ZNF423: variants seen among roughly 807,000 people sequenced by gnomAD.
ZNF423 encodes Ebf-associated zinc finger protein.
A neutral mutation model predicts 95.8 loss-of-function variants in ZNF423; 12 were observed. The ratio of observed to expected loss-of-function variants is 0.13; its 90% CI spans 0.08 to 0.20. The LOEUF (loss-of-function observed/expected upper bound fraction) is 0.20. ZNF423 is among the 10% of genes least tolerant of loss of function. The probability of loss-of-function intolerance (pLI) is 1.00; values close to 1 mark genes in which losing one functional copy is unlikely to be tolerated. For synonymous variants in ZNF423, 749 were observed against 711.9 expected, an observed-to-expected ratio of 1.05 and a Z score of -0.83; for missense variants, 1,316 against 1,737.1, an observed-to-expected ratio of 0.76 and a Z score of 4.31.
intron 3 of ZNF423, among the ~76,000 whole-genome samples, chr16:49,663,504 G>T (rs2030360162): frequency 6.6e-6 from 1 of 151,806 alleles, no homozygotes; most frequent in African/African-American, 2.4e-5. Flanking sequence ...TGACTGGAGA[G>T]GGGACCAGTG....
chr16:49,793,658 G>A (rs1265492680), intron 1 of ZNF423, among the ~76,000 whole-genome samples: 2 of 152,328 alleles, frequency 1.3e-5, no homozygotes, highest in East Asian at 3.9e-4. Context: ...GGGTATACCG[G>A]CATAGGGACA....
chr16:49,749,130 GT>G (rs2033584307), intron 2 of ZNF423, among the ~76,000 whole-genome samples: 1 of 152,182 alleles, frequency 6.6e-6, no homozygotes, highest in African/African-American at 2.4e-5. Context: ...CTCCACAGGG[GT>G]ATCTAGCAGC....
chr16:49,731,561 C>T lies in ZNF423; in HGVS notation c.101-590G>A, dbSNP rs548372799. On this transcript the variant is annotated intron_variant, in intron 2 of 7. Transcript: ENST00000563137. ...GGCATGGAATCTCACACCTATAATC[C>T]TAGCACTCTGAGAGACCAAGGTGGG... is the stretch of plus-strand genomic sequence containing the variant. Among the ~76,000 whole-genome samples the T allele has an allele frequency of 2.0e-4, 30 of 152,182 alleles. 1 individual carries two copies. In the East Asian group the frequency reaches 3.9e-3, roughly 20 times the overall value.
chr16:49,644,665 A>G (rs1180127621), intron 3 of ZNF423, among the ~76,000 whole-genome samples: 6 of 81,214 alleles, frequency 7.4e-5, no homozygotes, highest in Admixed American at 5.7e-4. Flanking sequence ...ACTCAAAAAA[A>G]AAAAAAAAAA....
chr16:49,784,840 C>T (rs2034283489), intron 2 of ZNF423, among the ~76,000 whole-genome samples: 1 of 151,514 alleles, frequency 6.6e-6, no homozygotes, highest in Non-Finnish European at 1.5e-5. Context: ...ATCCCAGCTA[C>T]TCGGAAGGCT....
At chr16:49,514,927 C>T (rs1465370510) in intron 7 of ZNF423, among the ~76,000 whole-genome samples, 1 of 152,222 alleles carries the variant, frequency 6.6e-6, no homozygotes, top group Non-Finnish European at 1.5e-5. Flanking sequence ...CATGCCCTGG[C>T]AGGCAGTGCC....
chr16:49,743,409 G>A (rs2033455921), intron 2 of ZNF423, among the ~76,000 whole-genome samples: 1 of 152,150 alleles, frequency 6.6e-6, no homozygotes, highest in Non-Finnish European at 1.5e-5. Flanking sequence ...GCTCCAGGCA[G>A]GCAAGTCCGC....
chr16:49,835,744 G>A lies in ZNF423; in HGVS notation c.40+19991C>T, dbSNP rs1056151623. On this transcript the variant is annotated intron_variant, in intron 1 of 7. Transcript: ENST00000563137. ...AAGCCTGCATAGGAGGTGGTGGGGG[G>A]GCAGAGGATGCAGAGGGTCCGGTGC... 2.6e-5 allele frequency among the ~76,000 whole-genome samples: 4 copies of A among 152,324 alleles called. No homozygotes were observed. The East Asian group carries it at 7.7e-4, about 29-fold the overall frequency.
intron 2 of ZNF423, among the ~76,000 whole-genome samples, chr16:49,752,349 G>C (rs1336874241): frequency 6.6e-6 from 1 of 152,204 alleles, no homozygotes; most frequent in Non-Finnish European, 1.5e-5. Context: ...CTTCCTGACG[G>C]TGTCCCAGCC....
At chr16:49,692,135 C>T (rs1008069233) in intron 3 of ZNF423, among the ~76,000 whole-genome samples, 19 of 151,860 alleles carry the variant, frequency 1.3e-4, no homozygotes, top group African/African-American at 3.9e-4. Context: ...TTTTTTTTGT[C>T]GAGACAGGCA....
At position 49,491,026 on chromosome 16, in the gene ZNF423, T is replaced by C. The variant is rs906836741; in HGVS notation, c.*249A>G. On this transcript the variant is annotated 3_prime_UTR_variant, in exon 8 of 8. Coordinates refer to ENST00000563137, the MANE Select transcript of ZNF423 (RefSeq NM_001379286.1). ...TTTCTCTAACTCTAGAAATGTAGTC[T>C]GCGGCGGAAAGTCTAAAAGCACACT... is the stretch of plus-strand genomic sequence containing the variant. 9 of 517,398 alleles carry C rather than the reference T, an allele frequency of 1.7e-5. No homozygotes were observed. The highest frequency in any genetic ancestry group is 3.2e-5 in the South Asian group (1 of 31,384). The allele number at this position is 517,398 out of a possible 1,614,324, so 32.1% of individuals were successfully genotyped here.
rs954747071 is a variant in ZNF423, at chr16:49,855,566, C to T, written c.40+169G>A. On this transcript the variant is annotated intron_variant, in intron 1 of 7. Coordinates refer to ENST00000563137, the MANE Select transcript of ZNF423 (RefSeq NM_001379286.1). The surrounding 1 kb of genome is among the most constrained non-coding windows in gnomAD (Gnocchi z 4.7). ...GCCTCCTGCTCCCGGCTTCCTCCTC[C>T]CCCTCCTCCGCCTCCGCCTCCGCCT... Among the ~76,000 whole-genome samples, 2 of 150,460 alleles carry T rather than the reference C, an allele frequency of 1.3e-5. No individual in the cohort carries two copies. The highest frequency in any genetic ancestry group is 2.4e-5 in the African/African-American group (1 of 40,970).
In ZNF423 at chr16:49,500,945, A is replaced by T. The variant is rs1967374777; in HGVS notation, c.3850-9641T>A. On this transcript the variant is annotated intron_variant, in intron 7 of 7. Transcript: ENST00000563137. ...GGGTGGACGGGTTCTCAAAACCAAAAAAGGGTTCACTTCAAAGTATATCTG... is the reference window on the plus strand; with the variant it reads ...GGGTGGACGGGTTCTCAAAACCAAATAAGGGTTCACTTCAAAGTATATCTG... Among the ~76,000 whole-genome samples, 6 of 152,272 alleles carry T rather than the reference A, an allele frequency of 3.9e-5. No homozygotes were observed. In the South Asian group the frequency reaches 1.2e-3, roughly 32 times the overall value.
At chr16:49,779,302 CTT>C (rs1479609152) in intron 2 of ZNF423, among the ~76,000 whole-genome samples, 1 of 151,792 alleles carries the variant, frequency 6.6e-6, no homozygotes, top group African/African-American at 2.4e-5. Flanking sequence ...ATCAGGAGCT[CTT>C]TGGCTCAGGG....
intron 1 of ZNF423, among the ~76,000 whole-genome samples, chr16:49,822,975 G>A (rs142194630): frequency 1.2e-3 from 185 of 152,274 alleles, no homozygotes; most frequent in South Asian, 2.7e-3. Context: ...CCTTCCCTGG[G>A]GTATGGCCCA....
At chr16:49,595,998 G>T (rs1333503361) in intron 5 of ZNF423, among the ~76,000 whole-genome samples, 1 of 151,906 alleles carries the variant, frequency 6.6e-6, no homozygotes, top group Non-Finnish European at 1.5e-5. Flanking sequence ...TCTTAAAAAG[G>T]TGCCAAATCT....
intron 3 of ZNF423, among the ~76,000 whole-genome samples, chr16:49,692,455 C>A (rs562125259): frequency 6.6e-6 from 1 of 152,330 alleles, no homozygotes; most frequent in East Asian, 1.9e-4. Context: ...CCCACCCAAA[C>A]TGACGTGGGA....
intron 3 of ZNF423, among the ~76,000 whole-genome samples, chr16:49,648,032 T>C (rs1596786814): frequency 6.6e-6 from 1 of 152,158 alleles, no homozygotes; most frequent in African/African-American, 2.4e-5. Context: ...TTAATGACTC[T>C]GTTAATAAAG....
chr16:49,672,299 T>C (rs2030848638), intron 3 of ZNF423, among the ~76,000 whole-genome samples: 2 of 152,250 alleles, frequency 1.3e-5, no homozygotes, highest in Non-Finnish European at 2.9e-5. Flanking sequence ...TAGGGGATTC[T>C]GGACCTCCAC....
Sources: allele counts gnomAD v4.1 joint callset (sites outside exome capture counted in the v4.1 genomes callset), GRCh38; gene constraint gnomAD v4.1.1; non-coding constraint Gnocchi (gnomAD v3.1); transcripts MANE v1.5; gene names NCBI Gene and HGNC (gene_info 2026-07-23, HGNC 2026-07-21).